ROBO2: variants seen among roughly 807,000 people sequenced by gnomAD.
The protein encoded by ROBO2 is roundabout homolog 2.
ROBO2 carries 53 observed loss-of-function variants against 160.8 expected under a neutral mutation model. The observed-to-expected ratio is 0.33, with a 90% confidence interval of 0.26 to 0.41. The LOEUF is 0.41. Among genes scored for constraint, ROBO2 ranks in the 10% least tolerant of loss-of-function variants. ROBO2 has a pLI of 1.00. For synonymous variants in ROBO2, 664 were observed against 611.7 expected, an observed-to-expected ratio of 1.09 and a Z score of -1.26; for missense variants, 1,577 against 1,722.4, an observed-to-expected ratio of 0.92 and a Z score of 1.49.
rs546603787 is a variant in ROBO2 at position 76,456,763 on chromosome 3, G to A, written c.109+519161G>A. On this transcript the variant is annotated intron_variant, in intron 2 of 26. Coordinates refer to the ROBO2 transcript ENST00000487694. ...GTACCCAAGACTGGGAAGAAAAAGAGGTTTAATTGGACTTACAGTTCCACA... is the reference window on the plus strand; with the variant it reads ...GTACCCAAGACTGGGAAGAAAAAGAAGTTTAATTGGACTTACAGTTCCACA... Among the ~76,000 whole-genome samples, 3 of 152,252 alleles carry A rather than the reference G, an allele frequency of 2.0e-5. No homozygotes were observed. In the East Asian group the frequency reaches 5.8e-4, roughly 29 times the overall value.
chr3:76,827,851 A>G (rs1407925563), intron 2 of ROBO2, among the ~76,000 whole-genome samples: 3 of 152,128 alleles, frequency 2.0e-5, no homozygotes, highest in Non-Finnish European at 2.9e-5. Context: ...AACTGCTGTG[A>G]TTTTACTACC....
intron 2 of ROBO2, among the ~76,000 whole-genome samples, chr3:76,814,694 G>C (rs2065507788): frequency 6.6e-6 from 1 of 151,896 alleles, no homozygotes; most frequent in South Asian, 2.1e-4. Context: ...AGATAGGTCT[G>C]TAAACCATGT....
At chr3:76,107,026 G>A (rs979350521) in intron 2 of ROBO2, among the ~76,000 whole-genome samples, 1 of 151,954 alleles carries the variant, frequency 6.6e-6, no homozygotes. Flanking sequence ...ATAGGTAATG[G>A]AATTAATAAA....
At chr3:76,425,487 AGT>A (rs10530471) in intron 2 of ROBO2, among the ~76,000 whole-genome samples, 31,421 of 146,116 alleles carry the variant, frequency 0.22, 3,514 homozygotes, top group Middle Eastern at 0.28. Flanking sequence ...TGATGCAGCA[AGT>A]GTGTGTGTGT....
chr3:76,531,382 T>C (rs558140730), intron 2 of ROBO2, among the ~76,000 whole-genome samples: 1 of 152,234 alleles, frequency 6.6e-6, no homozygotes, highest in Admixed American at 6.5e-5. Context: ...TTCTTTTAGG[T>C]TCAATAGATA....
At chr3:76,180,686 C>G (rs764391749) in intron 2 of ROBO2, among the ~76,000 whole-genome samples, 1 of 152,094 alleles carries the variant, frequency 6.6e-6, no homozygotes, top group Non-Finnish European at 1.5e-5. Flanking sequence ...TCTTCACAAC[C>G]ATTTCACTGA....
chr3:77,247,443 C>T (rs1033761867), intron 2 of ROBO2, among the ~76,000 whole-genome samples: 10 of 152,120 alleles, frequency 6.6e-5, no homozygotes, highest in African/African-American at 1.7e-4. Context: ...AAAAAAAGAG[C>T]GTGTACTCTA....
At position 76,645,363 on chromosome 3, in the gene ROBO2, G is replaced by C. The variant is rs543906677; in HGVS notation, c.110-452651G>C. 4.6e-5 allele frequency among the ~76,000 whole-genome samples: 7 copies of C among 152,292 alleles called. No homozygotes were observed. In the East Asian group the frequency reaches 1.4e-3, roughly 29 times the overall value. On this transcript the variant is annotated intron_variant, in intron 2 of 26. Transcript: ENST00000487694. ...AAAATGTTTATCTCCGTAGGCTGTA[G>C]AATATATGAACTTAAGTTCTTAGGC...
At chr3:77,414,477 AG>A (rs1296046304) in intron 2 of ROBO2, among the ~76,000 whole-genome samples, 2 of 152,252 alleles carry the variant, frequency 1.3e-5, no homozygotes, top group African/African-American at 4.8e-5. Context: ...AAACAGGATA[AG>A]GAAAAGCGTG....
At chr3:76,126,298 T>G (rs2070985302) in intron 2 of ROBO2, among the ~76,000 whole-genome samples, 1 of 152,176 alleles carries the variant, frequency 6.6e-6, no homozygotes, top group Non-Finnish European at 1.5e-5. Context: ...CTTTTGATTT[T>G]GGATGGCTTC....
intron 2 of ROBO2, among the ~76,000 whole-genome samples, chr3:76,548,749 T>C (rs1202913312): frequency 1.3e-5 from 2 of 151,968 alleles, no homozygotes; most frequent in East Asian, 3.9e-4. Context: ...TTGTGTCTAC[T>C]AACATCAAGA....
At chr3:76,143,922 G>C (rs974472753) in intron 2 of ROBO2, among the ~76,000 whole-genome samples, 3 of 151,918 alleles carry the variant, frequency 2.0e-5, no homozygotes, top group African/African-American at 7.2e-5. Flanking sequence ...TCTCAGCTCA[G>C]AGTCAATCAG....
At chr3:76,709,898 T>C (rs1304157361) in intron 2 of ROBO2, among the ~76,000 whole-genome samples, 2 of 152,086 alleles carry the variant, frequency 1.3e-5, no homozygotes, top group Non-Finnish European at 2.9e-5. Context: ...CAATGAGAAG[T>C]ATAACCAGAC....
chr3:76,800,753 A>G (rs529029839), intron 2 of ROBO2, among the ~76,000 whole-genome samples: 1 of 152,330 alleles, frequency 6.6e-6, no homozygotes, highest in South Asian at 2.1e-4. Context: ...GAGAAAGGGT[A>G]GCTCTCATAC....
intron 2 of ROBO2, among the ~76,000 whole-genome samples, chr3:76,271,311 C>T (rs997042359): frequency 8.6e-5 from 13 of 152,012 alleles, no homozygotes; most frequent in South Asian, 6.2e-4. Flanking sequence ...TAGTTTACAA[C>T]ATGTTTAATT....
At position 76,637,162 on chromosome 3, in the gene ROBO2, A is replaced by T. The variant is rs114712520; in HGVS notation, c.110-460852A>T. ...AGGAGGACTATACAGCAGTGTTCAC[A>T]ACGTTCACAACAGCAGCAGTGGCAC... On this transcript the variant is annotated intron_variant, in intron 2 of 26. Coordinates refer to the ROBO2 transcript ENST00000487694. Among the ~76,000 whole-genome samples, 541 of 152,244 alleles carry T rather than the reference A, an allele frequency of 3.6e-3. 4 individuals are homozygous for T. The highest frequency in any genetic ancestry group is 0.012 in the African/African-American group (516 of 41,556).
chr3:77,007,531 G>C (rs2061645090), intron 2 of ROBO2, among the ~76,000 whole-genome samples: 1 of 151,910 alleles, frequency 6.6e-6, no homozygotes, highest in Admixed American at 6.6e-5. Flanking sequence ...TATTTACACA[G>C]TTTACTTTTT....
intron 2 of ROBO2, among the ~76,000 whole-genome samples, chr3:76,728,781 A>T (rs991213869): frequency 6.6e-6 from 1 of 152,246 alleles, no homozygotes; most frequent in African/African-American, 2.4e-5. Context: ...AAATATGCTT[A>T]TACAAAAATC....
intron 2 of ROBO2, among the ~76,000 whole-genome samples, chr3:76,239,354 G>A (rs908373408): frequency 7.2e-4 from 14 of 19,362 alleles, no homozygotes; most frequent in African/African-American, 7.7e-4. Context: ...TATAGAATAC[G>A]TATATGTATA....
Sources: allele counts gnomAD v4.1 joint callset (sites outside exome capture counted in the v4.1 genomes callset), GRCh38; gene constraint gnomAD v4.1.1; transcripts MANE v1.5; gene names NCBI Gene and HGNC (gene_info 2026-07-23, HGNC 2026-07-21).